GASK1A: variants seen among roughly 807,000 people sequenced by gnomAD.
GASK1A encodes the protein Golgi-associated kinase 1A.
Under a neutral mutation model 41.2 loss-of-function variants are expected in GASK1A, and 40 were observed. The ratio of observed to expected loss-of-function variants is 0.97; its 90% CI spans 0.75 to 1.27. The LOEUF is 1.27. Among genes scored for constraint, GASK1A ranks in the 50% most tolerant of loss-of-function variants. The pLI is 0.00. For synonymous variants in GASK1A, 316 were observed against 307.1 expected, an observed-to-expected ratio of 1.03 and a Z score of -0.30; for missense variants, 678 against 745.1, an observed-to-expected ratio of 0.91 and a Z score of 1.05.
chr3:43,001,932 G>A (rs2089411630), intron 1 of GASK1A, among the ~76,000 whole-genome samples: 1 of 152,150 alleles, frequency 6.6e-6, no homozygotes, highest in South Asian at 2.1e-4. Context: ...CCGCAGTTGT[G>A]GCTCCTCAAG....
chr3:43,034,906 T>C (rs752367275), intron 2 of GASK1A, among the ~76,000 whole-genome samples: 10 of 152,214 alleles, frequency 6.6e-5, no homozygotes, highest in Non-Finnish European at 1.5e-4. Flanking sequence ...ACTCACCTAC[T>C]GTCCTCCCGG....
chr3:43,017,186 G>GGAA (rs2089496127), intron 1 of GASK1A, among the ~76,000 whole-genome samples: 1 of 148,182 alleles, frequency 6.7e-6, no homozygotes, highest in African/African-American at 2.5e-5. Context: ...GGCAGTGTTA[G>GGAA]GTCACAGGAA....
chr3:43,015,011 G>A (rs2089482815), intron 1 of GASK1A, among the ~76,000 whole-genome samples: 1 of 152,100 alleles, frequency 6.6e-6, no homozygotes, highest in South Asian at 2.1e-4. Flanking sequence ...CACAGGAAGG[G>A]ACAGTGAGAA....
At chr3:43,016,988 C>A (rs906392197) in intron 1 of GASK1A, among the ~76,000 whole-genome samples, 4 of 149,676 alleles carry the variant, frequency 2.7e-5, no homozygotes, top group Non-Finnish European at 5.9e-5. Context: ...CTGTGTGAAG[C>A]CACTGGAAGG....
intron 1 of GASK1A, among the ~76,000 whole-genome samples, chr3:43,019,008 T>A (rs998277521): frequency 3.9e-5 from 6 of 152,206 alleles, no homozygotes; most frequent in African/African-American, 1.4e-4. Flanking sequence ...CTTTATGCAT[T>A]GTTTTCTTGA....
At chr3:43,048,275 G>C (rs762727553) in intron 2 of GASK1A, among the ~76,000 whole-genome samples, 38 of 152,166 alleles carry the variant, frequency 2.5e-4, no homozygotes, top group Non-Finnish European at 4.9e-4. Flanking sequence ...ATGTTTCTGT[G>C]CTACTCCGTA....
chr3:43,012,449 T>C (rs1481705659), intron 1 of GASK1A, among the ~76,000 whole-genome samples: 3 of 151,280 alleles, frequency 2.0e-5, no homozygotes, highest in Non-Finnish European at 4.4e-5. Flanking sequence ...GAAGGGGCAG[T>C]GTGAAGCCAC....
At position 42,980,044 on chromosome 3, in the gene GASK1A, T is replaced by A. The variant is rs2125670633; in HGVS notation, c.3+399T>A. Among the ~76,000 whole-genome samples, 4 of 152,304 alleles carry A rather than the reference T, an allele frequency of 2.6e-5. No homozygotes were observed. In the East Asian group the frequency reaches 7.7e-4, roughly 29 times the overall value. On this transcript the variant is annotated intron_variant, in intron 1 of 4. Transcript: ENST00000430121. ...AATACTCTCCAAAGTTCATGTGAAT[T>A]TTATACTATCTTCTCTAATTTAGCT...
chr3:43,014,837 A>T (rs1371513070), intron 1 of GASK1A, among the ~76,000 whole-genome samples: 2 of 151,914 alleles, frequency 1.3e-5, no homozygotes, highest in African/African-American at 4.8e-5. Context: ...GGCCAATGGG[A>T]AGTCATAGGA....
intron 1 of GASK1A, among the ~76,000 whole-genome samples, chr3:43,010,065 AGC>A (rs2089455787): frequency 6.6e-6 from 1 of 152,172 alleles, no homozygotes; most frequent in African/African-American, 2.4e-5. Context: ...CTTTGGAGGA[AGC>A]TGCCTCCTGC....
Position 43,056,204 on chromosome 3 carries a change from G to C in GASK1A, c.1546G>C (p.Ala516Pro). The stretch of plus-strand genomic sequence containing the variant: ...TCCTGAGTCTGCCGTGAAGGTTCTC[G>C]CATCAGGGTGTCTACAGAACATGCT... ...GFPESAVKVL[A>P]SGCLQNMLLK... The change falls in exon 5 of 5, where the codon GCA (alanine) becomes CCA (proline). Residue 516 changes from alanine (A) to proline (P), a missense_variant. Transcript: ENST00000430121. 1 of 1,551,486 alleles carries C rather than the reference G, an allele frequency of 6.4e-7. No individual in the cohort carries two copies. Among genetic ancestry groups the C allele is most frequent in the Non-Finnish European group, 8.7e-7 (1 of 1,146,834 alleles).
chr3:43,046,853 T>C (rs2089665798), intron 2 of GASK1A, among the ~76,000 whole-genome samples: 1 of 152,188 alleles, frequency 6.6e-6, no homozygotes, highest in African/African-American at 2.4e-5. Flanking sequence ...AAAGTACAGC[T>C]CAAGCCATTG....
intron 1 of GASK1A, among the ~76,000 whole-genome samples, chr3:42,982,915 G>C (rs2089289615): frequency 6.6e-6 from 1 of 152,208 alleles, no homozygotes; most frequent in Admixed American, 6.5e-5. Context: ...GGAGAACCAA[G>C]AGCTAAAATC....
At chr3:42,991,412 T>TCA (rs1445384414) in intron 1 of GASK1A, among the ~76,000 whole-genome samples, 2 of 152,176 alleles carry the variant, frequency 1.3e-5, no homozygotes, top group African/African-American at 4.8e-5. Context: ...GATATATTAT[T>TCA]CACACACACA....
rs1045054738 is a variant in GASK1A, at chr3:42,979,556, C to T, written c.-87C>T. Reference sequence around the variant, plus strand: ...GCATCCTGGGAAGCCTGGCGAGCCACGGCGCCGGGGGCGGCCAAGGGGAGG... The same window carrying T: ...GCATCCTGGGAAGCCTGGCGAGCCATGGCGCCGGGGGCGGCCAAGGGGAGG... On this transcript the variant is annotated 5_prime_UTR_variant, in exon 1 of 5. In the 5' UTR this introduces an upstream ATG that the reference lacks. Transcript: ENST00000430121. 7 of 1,226,522 alleles carry T rather than the reference C, an allele frequency of 5.7e-6. No individual in the cohort carries two copies. The highest frequency in any genetic ancestry group is 8.3e-5 in the South Asian group (2 of 24,166). 76.0% of individuals were successfully genotyped at this position (1,226,522 alleles called of 1,614,324 possible).
intron 2 of GASK1A, among the ~76,000 whole-genome samples, chr3:43,042,832 C>T (rs939905793): frequency 6.6e-6 from 1 of 152,210 alleles, no homozygotes; most frequent in Non-Finnish European, 1.5e-5. Flanking sequence ...GCTGAGGCTT[C>T]TGGCCCTGGG....
chr3:43,016,606 G>A (rs1334672241), intron 1 of GASK1A, among the ~76,000 whole-genome samples: 6 of 152,014 alleles, frequency 3.9e-5, no homozygotes, highest in Non-Finnish European at 7.4e-5. Context: ...GTCCCAGGAA[G>A]GGGCTGTTTG....
At chr3:43,055,668 T>C in intron 4 of GASK1A, 133 bp downstream of exon 4, 1 of 676,714 alleles carries the variant, frequency 1.5e-6, no homozygotes, top group South Asian at 1.8e-5. Flanking sequence ...ATCAGAACTT[T>C]AGGCGGTGGT....
In GASK1A at chr3:42,979,538, G is replaced by C. The variant is rs2089268905; in HGVS notation, c.-105G>C. On this transcript the variant is annotated 5_prime_UTR_variant, in exon 1 of 5. Coordinates refer to ENST00000430121, the MANE Select transcript of GASK1A (RefSeq NM_001129908.3). ...CCCCAGCCGAGTAGCCGCGCATCCT[G>C]GGAAGCCTGGCGAGCCACGGCGCCG... The C allele has an allele frequency of 8.4e-7, 1 of 1,184,686 alleles. No homozygotes were observed. Among genetic ancestry groups the C allele is most frequent in the African/African-American group, 1.6e-5 (1 of 63,468 alleles). The allele number at this position is 1,184,686 out of a possible 1,614,324, so 73.4% of individuals were successfully genotyped here.
Sources: gnomAD v4.1 joint callset for allele counts (sites outside exome capture counted in the v4.1 genomes callset) on GRCh38, gnomAD v4.1.1 for gene constraint, MANE v1.5 for transcripts, NCBI Gene and HGNC (gene_info 2026-07-23, HGNC 2026-07-21) for gene names.